SLC26A8: variants seen among roughly 807,000 people sequenced by gnomAD.
SLC26A8 encodes solute carrier family 26 member 8.
SLC26A8 carries 70 observed loss-of-function variants against 105.0 expected under a neutral mutation model. That is an observed-to-expected ratio of 0.67 (90% CI 0.55 to 0.81). The LOEUF is 0.81. SLC26A8 is among the 40% of genes least tolerant of loss of function. The probability of loss-of-function intolerance (pLI) is 0.00; values close to 1 mark genes in which losing one functional copy is unlikely to be tolerated. For synonymous variants in SLC26A8, 415 were observed against 438.3 expected (o/e 0.95, Z 0.66); for missense variants, 998 against 1,181.8 (o/e 0.84, Z 2.28).
chr6:35,980,093 C>T (rs1038464835), intron 8 of SLC26A8, among the ~76,000 whole-genome samples: 1 of 152,232 alleles, frequency 6.6e-6, no homozygotes. Flanking sequence ...TTGCCTTAGC[C>T]TCCCAAGTAG....
chr6:35,977,221 T>C lies in SLC26A8; in HGVS notation c.1156A>G (p.Ser386Gly). Reference protein sequence around the residue: ...GKKIASLHNYSVNSNQDLIAI... With the variant: ...GKKIASLHNYGVNSNQDLIAI... ...CCTCTCACCTGGTTGGAATTGACAC[T>C]GTAATTGTGAAGACTGGCAATCTTC... The change falls in exon 9 of 20, where the codon AGT (serine) becomes GGT (glycine). Residue 386 changes from serine to glycine, a missense_variant. Physicochemically the swap from Ser to Gly is moderately conservative, Grantham distance 56 (BLOSUM62 0). Coordinates refer to ENST00000490799, the MANE Select transcript of SLC26A8 (RefSeq NM_052961.4). 1.2e-6 allele frequency: 2 copies of C among 1,613,996 alleles called. No homozygotes were observed. The highest frequency in any genetic ancestry group is 1.7e-6 in the Non-Finnish European group (2 of 1,179,972).
At chr6:35,945,869 A>G (rs1771639873) in intron 19 of SLC26A8, among the ~76,000 whole-genome samples, 1 of 152,172 alleles carries the variant, frequency 6.6e-6, no homozygotes, top group Non-Finnish European at 1.5e-5. Context: ...AGCCTGTAAC[A>G]GCATTCCTCA....
chr6:35,974,121 C>A (rs561540130), intron 10 of SLC26A8, among the ~76,000 whole-genome samples: 43 of 152,276 alleles, frequency 2.8e-4, no homozygotes, highest in African/African-American at 9.9e-4. Context: ...AGTTCAAGAC[C>A]AGCCTGGCCA....
rs1371139728 is a variant in SLC26A8 at position 35,944,273 on chromosome 6, A to C, written c.2540T>G (p.Phe847Cys). Residue 847 changes from phenylalanine to cysteine, a missense_variant, in exon 20 of 20, where the codon TTC becomes TGC. By Grantham distance (205) the Phe-to-Cys change is radical (BLOSUM62 -2). Transcript: ENST00000490799. ...LGSQKNVSPGFIKIQQPVEEE... is the reference protein window; with the variant it reads ...LGSQKNVSPGCIKIQQPVEEE... ...TTCTACAGGCTGTTGGATCTTGATG[A>C]AGCCTGGACTTACATTTTTTTGGCT... The C allele has an allele frequency of 6.2e-7, 1 of 1,614,090 alleles. No homozygotes were observed. The highest frequency in any genetic ancestry group is 8.5e-7 in the Non-Finnish European group (1 of 1,180,008).
At chr6:36,022,661 GA>G (rs1762154535) in intron 1 of SLC26A8, among the ~76,000 whole-genome samples, 1 of 152,114 alleles carries the variant, frequency 6.6e-6, no homozygotes, top group East Asian at 1.9e-4. Context: ...GGAGCAGGTG[GA>G]AAGTTGTCTT....
At chr6:35,947,934 A>G (rs767364479) in intron 19 of SLC26A8, among the ~76,000 whole-genome samples, 7 of 152,216 alleles carry the variant, frequency 4.6e-5, no homozygotes, top group Non-Finnish European at 8.8e-5. Flanking sequence ...CTGTCTCAAA[A>G]AAACAAAAAA....
chr6:36,020,670 T>G (rs1208867792), intron 1 of SLC26A8, among the ~76,000 whole-genome samples: 1 of 152,088 alleles, frequency 6.6e-6, no homozygotes, highest in Non-Finnish European at 1.5e-5. Context: ...ATTGAAAAGA[T>G]AGAGTAAATG....
intron 1 of SLC26A8, among the ~76,000 whole-genome samples, chr6:36,020,942 CATT>C (rs1007202432): frequency 6.6e-6 from 1 of 152,164 alleles, no homozygotes; most frequent in Non-Finnish European, 1.5e-5. Context: ...TCATCATCAT[CATT>C]GCCAACATTT....
At chr6:36,020,732 C>T (rs1435290162) in intron 1 of SLC26A8, among the ~76,000 whole-genome samples, 4 of 152,150 alleles carry the variant, frequency 2.6e-5, no homozygotes, top group Non-Finnish European at 5.9e-5. Context: ...TCTTAATAAT[C>T]TATGTTTTTG....
At chr6:36,003,735 C>G (rs982611542) in intron 3 of SLC26A8, among the ~76,000 whole-genome samples, 6 of 151,016 alleles carry the variant, frequency 4.0e-5, no homozygotes, top group African/African-American at 1.5e-4. Context: ...AATCTTGGCT[C>G]ACTGCAAGCT....
Position 35,981,144 on chromosome 6 carries a change from C to G in SLC26A8, c.1025+977G>C, listed in dbSNP as rs909298933. Among the ~76,000 whole-genome samples, 6 of 152,106 alleles carry G rather than the reference C, an allele frequency of 3.9e-5. No homozygotes were observed. Among genetic ancestry groups the G allele is most frequent in the African/African-American group, 1.4e-4 (6 of 41,412 alleles). On this transcript the variant is annotated intron_variant, in intron 8 of 19. Coordinates refer to ENST00000490799, the MANE Select transcript of SLC26A8 (RefSeq NM_052961.4). The surrounding 1 kb of genome is among the most constrained non-coding windows in gnomAD (Gnocchi z 4.0). ...AAAAGCCTCTCTGTGAGTCAAGAAA[C>G]TGCAGTATATTGCCTTTCTTAGCTA...
At chr6:35,993,280 C>T (rs1050294079) in intron 5 of SLC26A8, among the ~76,000 whole-genome samples, 1 of 150,572 alleles carries the variant, frequency 6.6e-6, no homozygotes. Flanking sequence ...CCTGGGATTA[C>T]AGGCATGAAC....
At chr6:35,952,992 C>T (rs574734314) in intron 17 of SLC26A8, among the ~76,000 whole-genome samples, 12 of 121,858 alleles carry the variant, frequency 9.8e-5, no homozygotes, top group Admixed American at 3.2e-4. Context: ...CCAGCCTGGG[C>T]GACACAGCAA....
Position 35,955,143 on chromosome 6 carries a change from A to T in SLC26A8, c.2232+9T>A. ...TCAGAGCTCCTGCCAAGGCCTCCTCAGTACTTACCTGTCTTAATACGACTA... is the reference window on the plus strand; with the variant it reads ...TCAGAGCTCCTGCCAAGGCCTCCTCTGTACTTACCTGTCTTAATACGACTA... On this transcript the variant is annotated intron_variant, in intron 17 of 19. Transcript: ENST00000490799. 6.2e-7 allele frequency: 1 copy of T among 1,614,086 alleles called. No individual in the cohort carries two copies. The highest frequency in any genetic ancestry group is 8.5e-7 in the Non-Finnish European group (1 of 1,180,018).
intron 7 of SLC26A8, among the ~76,000 whole-genome samples, chr6:35,986,328 C>G (rs2127341579): frequency 6.6e-6 from 1 of 152,296 alleles, no homozygotes; most frequent in South Asian, 2.1e-4. Context: ...GCTACCATGC[C>G]TACATATCTT....
intron 16 of SLC26A8, among the ~76,000 whole-genome samples, chr6:35,958,304 A>C (rs1772171413): frequency 6.6e-6 from 1 of 152,106 alleles, no homozygotes; most frequent in African/African-American, 2.4e-5. Flanking sequence ...GTTCGAGACC[A>C]GCCTGACCAA....
intron 10 of SLC26A8, among the ~76,000 whole-genome samples, chr6:35,972,485 G>A (rs1009357323): frequency 1.3e-5 from 2 of 152,180 alleles, no homozygotes; most frequent in Non-Finnish European, 2.9e-5. Context: ...GAGTCTCATA[G>A]GTCTTTTCTG....
At position 35,991,793 on chromosome 6, in the gene SLC26A8, A is replaced by G. The variant is rs1487964593; in HGVS notation, c.808T>C (p.Cys270Arg). The G allele has an allele frequency of 6.3e-7, 1 of 1,593,528 alleles. No individual in the cohort carries two copies. The highest frequency in any genetic ancestry group is 1.8e-5 in the Admixed American group (1 of 54,852). ...GAATTCGCTTTTGGGAGAGCTACAC[A>G]GTAATTAATTATGTCCTGAAAGAAA... is the stretch of plus-strand genomic sequence containing the variant. ...ISFFYDIINY[C>R]VALPKANSTS... is the part of the protein sequence containing the mutation. The change falls in exon 7 of 20, where the codon TGT becomes CGT. Residue 270 changes from cysteine (C) to arginine (R), a missense_variant. Cys to Arg is a radical substitution (Grantham distance 180). Transcript: ENST00000490799.
chr6:35,999,964 C>A, intron 4 of SLC26A8, 28 bp downstream of exon 4: 1 of 1,428,998 alleles, frequency 7.0e-7, no homozygotes, highest in African/African-American at 1.4e-5. Flanking sequence ...CTTCATCCAC[C>A]GCATGTGTAT....
Sources: gnomAD v4.1 joint callset for allele counts (sites outside exome capture counted in the v4.1 genomes callset) on GRCh38, gnomAD v4.1.1 for gene constraint, Gnocchi (gnomAD v3.1) non-coding constraint, MANE v1.5 for transcripts, NCBI Gene and HGNC (gene_info 2026-07-23, HGNC 2026-07-21) for gene names.